The following YWHAE variants were observed in gnomAD, a reference collection of about 807,000 sequenced individuals.
YWHAE encodes tyrosine 3-monooxygenase/tryptophan 5-monooxygenase activation protein epsilon, also known as 14-3-3 protein epsilon.
Under a neutral mutation model 30.1 loss-of-function variants are expected in YWHAE, and 4 were observed. That is an observed-to-expected ratio of 0.13 (90% CI 0.07 to 0.30). YWHAE has a LOEUF of 0.30. Among genes scored for constraint, YWHAE ranks in the 10% least tolerant of loss-of-function variants. The pLI, the probability that YWHAE is intolerant of heterozygous loss-of-function variation, is 1.00. For synonymous variants in YWHAE, 118 were observed against 111.8 expected (o/e 1.06, Z -0.35); for missense variants, 121 against 315.9 (o/e 0.38, Z 4.68).
chr17:1,358,935 G>C (rs1377107825), intron 4 of YWHAE, among the ~76,000 whole-genome samples: 1 of 150,890 alleles, frequency 6.6e-6, no homozygotes, highest in Non-Finnish European at 1.5e-5. Context: ...AGGAGTTCGA[G>C]ACTAGCCTGG....
At chr17:1,361,350 T>C in intron 3 of YWHAE, 52 bp from the exon 4 acceptor site, 1 of 1,456,084 alleles carries the variant, frequency 6.9e-7, no homozygotes, top group South Asian at 1.3e-5. Flanking sequence ...CTAGGAACGA[T>C]TTTTAAAGGA....
intron 2 of YWHAE, among the ~76,000 whole-genome samples, chr17:1,363,511 C>T (rs1024221665): frequency 5.3e-5 from 8 of 152,088 alleles, no homozygotes; most frequent in East Asian, 1.9e-4. Flanking sequence ...GGTACCTGCC[C>T]GCCTTGGCCT....
At chr17:1,369,887 A>G (rs1044967452) in intron 1 of YWHAE, 1 of 152,342 alleles carries the variant, frequency 6.6e-6, no homozygotes, top group Admixed American at 6.5e-5. Flanking sequence ...AAAACACCTT[A>G]TTGCTAATAA....
At chr17:1,382,864 A>C (rs2073236826) in intron 1 of YWHAE, among the ~76,000 whole-genome samples, 1 of 151,852 alleles carries the variant, frequency 6.6e-6, no homozygotes, top group Non-Finnish European at 1.5e-5. Context: ...ATCTCTACTA[A>C]TAATACAAAA....
intron 1 of YWHAE, among the ~76,000 whole-genome samples, chr17:1,387,050 GAAAC>G (rs2073311061): frequency 6.6e-6 from 1 of 151,842 alleles, no homozygotes; most frequent in African/African-American, 2.4e-5. Flanking sequence ...AGGTTAAAAA[GAAAC>G]AAAAACAAGA....
intron 1 of YWHAE, among the ~76,000 whole-genome samples, chr17:1,394,291 G>C (rs1330807250): frequency 6.6e-6 from 1 of 152,030 alleles, no homozygotes; most frequent in Non-Finnish European, 1.5e-5. Context: ...GCTGTGAACT[G>C]AGGTACTGCA....
At chr17:1,363,932 G>A (rs1307567247) in intron 2 of YWHAE, among the ~76,000 whole-genome samples, 3 of 152,106 alleles carry the variant, frequency 2.0e-5, no homozygotes, top group African/African-American at 7.2e-5. Context: ...CAGTAGAATG[G>A]TTAGCAGCAC....
chr17:1,379,920 G>C (rs553322139), intron 1 of YWHAE, among the ~76,000 whole-genome samples: 1 of 152,148 alleles, frequency 6.6e-6, no homozygotes, highest in East Asian at 1.9e-4. Context: ...AATAATGGAA[G>C]TACTCAGAAG....
intron 4 of YWHAE, among the ~76,000 whole-genome samples, chr17:1,357,075 C>G (rs2072759765): frequency 6.6e-6 from 1 of 151,212 alleles, no homozygotes; most frequent in African/African-American, 2.4e-5. Context: ...CGAGACCATC[C>G]TGGCTAACAC....
chr17:1,367,175 AC>A (rs1311047213), intron 1 of YWHAE, among the ~76,000 whole-genome samples: 2 of 152,218 alleles, frequency 1.3e-5, no homozygotes, highest in African/African-American at 4.8e-5. Flanking sequence ...CTTTACAAAG[AC>A]TTTTACACAC....
At chr17:1,348,134 T>A in intron 5 of YWHAE, 1 of 245,430 alleles carries the variant, frequency 4.1e-6, no homozygotes, top group Non-Finnish European at 6.6e-6. Flanking sequence ...TTACTTCGTG[T>A]AAACTTCACT....
At chr17:1,385,254 G>A (rs1255012080) in intron 1 of YWHAE, among the ~76,000 whole-genome samples, 1 of 151,838 alleles carries the variant, frequency 6.6e-6, no homozygotes, top group Non-Finnish European at 1.5e-5. Context: ...TAAGATAAAG[G>A]CATTAAGACC....
rs936393860 is a variant in YWHAE, at chr17:1,374,246, A to C, written c.65-9188T>G. ...AGCAGGACAACTGCTTGAACACGGG[A>C]GGCGGAGGTTGCAGTGACCCGAGAT... On this transcript the variant is annotated intron_variant, in intron 1 of 5. Transcript: ENST00000264335. Among the ~76,000 whole-genome samples, 34 of 151,426 alleles carry C rather than the reference A, an allele frequency of 2.2e-4. 1 individual carries two copies. Among genetic ancestry groups the C allele is most frequent in the African/African-American group, 8.0e-4 (33 of 41,278 alleles).
chr17:1,397,814 G>A (rs962770462), intron 1 of YWHAE, among the ~76,000 whole-genome samples: 1 of 152,104 alleles, frequency 6.6e-6, no homozygotes, highest in East Asian at 1.9e-4. Flanking sequence ...CCTTTCCACT[G>A]AGTCCCTACC....
At chr17:1,397,759 G>A (rs1208315997) in intron 1 of YWHAE, among the ~76,000 whole-genome samples, 2 of 152,076 alleles carry the variant, frequency 1.3e-5, no homozygotes, top group Admixed American at 6.6e-5. Flanking sequence ...CACAGGTAGA[G>A]GACACAGGTA....
intron 1 of YWHAE, among the ~76,000 whole-genome samples, chr17:1,394,460 A>AAAAAAAACC (rs1555647412): frequency 4.4e-5 from 6 of 137,630 alleles, no homozygotes; most frequent in African/African-American, 1.7e-4. Context: ...AAAAAAAAAA[A>AAAAAAAACC]ACACAAAAAT....
chr17:1,352,529 C>CTT (rs10707421), intron 5 of YWHAE, among the ~76,000 whole-genome samples: 1 of 144,266 alleles, frequency 6.9e-6, no homozygotes. Flanking sequence ...AACGTTATCT[C>CTT]TTTTTTTTTT....
At chr17:1,389,176 G>A (rs2073353042) in intron 1 of YWHAE, among the ~76,000 whole-genome samples, 1 of 152,190 alleles carries the variant, frequency 6.6e-6, no homozygotes, top group Non-Finnish European at 1.5e-5. Flanking sequence ...ATGTTGCCCA[G>A]GCTGGTCTCA....
chr17:1,346,131 C>T (rs1461817205), intron 5 of YWHAE, among the ~76,000 whole-genome samples: 1 of 152,096 alleles, frequency 6.6e-6, no homozygotes, highest in South Asian at 2.1e-4. Flanking sequence ...GCATTTGGAC[C>T]ACTTCACTCA....
Sources: allele counts gnomAD v4.1 joint callset (sites outside exome capture counted in the v4.1 genomes callset), GRCh38; gene constraint gnomAD v4.1.1; transcripts MANE v1.5; gene names NCBI Gene and HGNC (gene_info 2026-07-23, HGNC 2026-07-21).